The following AP1B1 variants were observed in gnomAD, a reference collection of about 807,000 sequenced individuals.
AP1B1 encodes the protein AP-1 complex subunit beta-1.
A neutral mutation model predicts 104.3 loss-of-function variants in AP1B1; 36 were observed. The ratio of observed to expected loss-of-function variants is 0.35; its 90% CI spans 0.26 to 0.46. AP1B1 has a LOEUF of 0.46. AP1B1 is among the 20% of genes least tolerant of loss of function. AP1B1 has a pLI of 1.00. For synonymous variants in AP1B1, 504 were observed against 517.5 expected (o/e 0.97, Z 0.35); for missense variants, 901 against 1,247.9 (o/e 0.72, Z 4.19).
At position 29,328,835 on chromosome 22, in the gene AP1B1, T is replaced by A. The variant is rs1411838072; in HGVS notation, c.2836A>T (p.Ile946Phe). The change falls in exon 23 of 23, where the codon ATC (isoleucine) becomes TTC (phenylalanine). Residue 946 changes from isoleucine (I) to phenylalanine (F), a missense_variant. Ile to Phe is a conservative substitution (Grantham distance 21). Coordinates refer to ENST00000357586, the MANE Select transcript of AP1B1 (RefSeq NM_001127.4). The surrounding 1 kb of genome is among the most constrained non-coding windows in gnomAD (Gnocchi z 4.1). ...SQHVYQAYETILKN is the reference protein window; with the variant it reads ...SQHVYQAYETFLKN ...TGGCCGGGGTCTCAGTTCTTGAGGATGGTCTCGTAGGCCTGGTACACGTGC... is the reference window on the plus strand; with the variant it reads ...TGGCCGGGGTCTCAGTTCTTGAGGAAGGTCTCGTAGGCCTGGTACACGTGC... The A allele has an allele frequency of 2.5e-6, 4 of 1,607,472 alleles. No homozygotes were observed. The African/African-American group carries it at 5.3e-5, about 21-fold the overall frequency.
chr22:29,329,515 T>G, intron 22 of AP1B1, 197 bp downstream of exon 22: 1 of 1,416,458 alleles, frequency 7.1e-7, no homozygotes, highest in Non-Finnish European at 9.2e-7. Flanking sequence ...CCAGGTCTCC[T>G]AGGAAGGACT....
chr22:29,335,694 G>A (rs556748971), intron 16 of AP1B1, among the ~76,000 whole-genome samples: 24 of 152,262 alleles, frequency 1.6e-4, no homozygotes, highest in African/African-American at 5.8e-4. Flanking sequence ...ACGGGCCTTG[G>A]CCTCCACAGC....
intron 1 of AP1B1, among the ~76,000 whole-genome samples, chr22:29,385,800 A>C (rs1480300377): frequency 6.6e-6 from 1 of 152,204 alleles, no homozygotes; most frequent in Non-Finnish European, 1.5e-5. Flanking sequence ...CGAAGTGCAA[A>C]ACCCAAGCCA....
At chr22:29,352,069 CG>C (rs1327942831) in intron 7 of AP1B1, among the ~76,000 whole-genome samples, 2 of 152,200 alleles carry the variant, frequency 1.3e-5, no homozygotes, top group African/African-American at 4.8e-5. Flanking sequence ...CAGTGAGAGA[CG>C]GCTCACTCAC....
intron 1 of AP1B1, among the ~76,000 whole-genome samples, chr22:29,367,515 G>T (rs1276060820): frequency 4.7e-5 from 7 of 149,278 alleles, no homozygotes; most frequent in Non-Finnish European, 7.4e-5. Flanking sequence ...GCCCAGGCTG[G>T]TCTCAAACTC....
chr22:29,358,675 C>T (rs2061996935), intron 5 of AP1B1, 51 bp downstream of exon 5: 1 of 1,576,222 alleles, frequency 6.3e-7, no homozygotes, highest in African/African-American at 1.3e-5. Context: ...AATGTCTTCC[C>T]AAGCAACCCA....
intron 11 of AP1B1, among the ~76,000 whole-genome samples, chr22:29,348,264 C>T (rs2061822283): frequency 6.6e-6 from 1 of 152,258 alleles, no homozygotes. Context: ...CACACATTCA[C>T]AGCTGAGGTC....
chr22:29,376,213 A>C (rs187421966), intron 1 of AP1B1, among the ~76,000 whole-genome samples: 2 of 152,292 alleles, frequency 1.3e-5, no homozygotes, highest in East Asian at 3.9e-4. Flanking sequence ...AGAGTGTTTC[A>C]ATTTCTCCAA....
rs562372142 is a variant in AP1B1, at chr22:29,352,802, T to C, written c.939-977A>G. 4.6e-5 allele frequency among the ~76,000 whole-genome samples: 7 copies of C among 152,212 alleles called. 1 individual carries two copies. In the South Asian group the frequency reaches 1.5e-3, roughly 32 times the overall value. On this transcript the variant is annotated intron_variant, in intron 7 of 22. Coordinates refer to ENST00000357586, the MANE Select transcript of AP1B1 (RefSeq NM_001127.4). ...TTTAAAAAATATATGCTGAGTCCTG[T>C]GAGTACTGCTAGTGAAACCTGAGCA...
At chr22:29,337,748 C>A (rs1002077369) in intron 16 of AP1B1, among the ~76,000 whole-genome samples, 1 of 152,200 alleles carries the variant, frequency 6.6e-6, no homozygotes, top group East Asian at 1.9e-4. Context: ...TCCCTCAGCC[C>A]CGGCTCCTCC....
intron 3 of AP1B1, among the ~76,000 whole-genome samples, chr22:29,361,361 C>T (rs960339588): frequency 2.0e-5 from 3 of 152,156 alleles, no homozygotes; most frequent in East Asian, 1.9e-4. Context: ...CCTCAGCACC[C>T]GGGTTATGAG....
intron 5 of AP1B1, among the ~76,000 whole-genome samples, chr22:29,357,234 A>T (rs2061973367): frequency 6.6e-6 from 1 of 151,220 alleles, no homozygotes; most frequent in Admixed American, 6.6e-5. Context: ...CACTCAGCTG[A>T]TTTTTGTATT....
chr22:29,346,534 T>C (rs1447795684), intron 11 of AP1B1, among the ~76,000 whole-genome samples: 2 of 152,252 alleles, frequency 1.3e-5, no homozygotes, highest in Non-Finnish European at 2.9e-5. Context: ...GAGAATCTAA[T>C]GCCGCCGCTG....
intron 2 of AP1B1, among the ~76,000 whole-genome samples, chr22:29,366,364 G>A (rs1190546613): frequency 2.0e-5 from 3 of 152,176 alleles, no homozygotes; most frequent in South Asian, 2.1e-4. Flanking sequence ...CTGACCGGCC[G>A]CGGTGGCTCA....
chr22:29,374,708 C>A (rs927688643), intron 1 of AP1B1, among the ~76,000 whole-genome samples: 10 of 152,174 alleles, frequency 6.6e-5, no homozygotes, highest in Admixed American at 6.5e-5. Flanking sequence ...TGAAGCAAAT[C>A]GGTAACAGCC....
Position 29,339,678 on chromosome 22 carries a change from G to A in AP1B1, c.2019+76C>T, listed in dbSNP as rs546083210. On this transcript the variant is annotated intron_variant, in intron 15 of 22. Transcript: ENST00000357586. Reference sequence around the variant, plus strand: ...GGCTGCTGTGACATCACCCGCCCCCGCCCCTTGGGATGCTGGGCCAGCGCT... The same window carrying A: ...GGCTGCTGTGACATCACCCGCCCCCACCCCTTGGGATGCTGGGCCAGCGCT... 8.6e-6 allele frequency: 13 copies of A among 1,514,946 alleles called. 1 individual carries two copies. The highest frequency in any genetic ancestry group is 5.8e-5 in the South Asian group (5 of 85,608). The allele number at this position is 1,514,946 out of a possible 1,614,324, so 93.8% of individuals were successfully genotyped here.
At chr22:29,350,661 CTG>C (rs2061860253) in intron 9 of AP1B1, among the ~76,000 whole-genome samples, 2 of 152,184 alleles carry the variant, frequency 1.3e-5, no homozygotes, top group South Asian at 4.1e-4. Context: ...TCCTAGGACA[CTG>C]TAGCCACCAG....
intron 19 of AP1B1, 68 bp downstream of exon 19, chr22:29,331,381 C>G: frequency 6.7e-7 from 1 of 1,492,290 alleles, no homozygotes; most frequent in Admixed American, 1.7e-5. Flanking sequence ...GGTAAAGGCA[C>G]CACCTTGGCC....
At chr22:29,348,648 T>C (rs891792948) in intron 11 of AP1B1, among the ~76,000 whole-genome samples, 1 of 152,232 alleles carries the variant, frequency 6.6e-6, no homozygotes, top group African/African-American at 2.4e-5. Flanking sequence ...AAACTCTATA[T>C]TTCTCCTAGG....
Sources: allele counts gnomAD v4.1 joint callset (sites outside exome capture counted in the v4.1 genomes callset), GRCh38; gene constraint gnomAD v4.1.1; non-coding constraint Gnocchi (gnomAD v3.1); transcripts MANE v1.5; gene names NCBI Gene and HGNC (gene_info 2026-07-23, HGNC 2026-07-21).